DGKI: variants seen among roughly 807,000 people sequenced by gnomAD.
DGKI encodes DAG kinase iota.
A neutral mutation model predicts 147.5 loss-of-function variants in DGKI; 55 were observed. The observed-to-expected ratio is 0.37, with a 90% CI of 0.30 to 0.47. The LOEUF is 0.47. DGKI is among the 20% of genes least tolerant of loss of function. The probability of loss-of-function intolerance (pLI) is 1.00; values close to 1 mark genes in which losing one functional copy is unlikely to be tolerated. For synonymous variants in DGKI, 469 were observed against 477.1 expected (o/e 0.98, Z 0.22); for missense variants, 1,007 against 1,323.8 (o/e 0.76, Z 3.71).
At chr7:137,417,729 C>A (rs1241915422) in intron 28 of DGKI, among the ~76,000 whole-genome samples, 1 of 152,182 alleles carries the variant, frequency 6.6e-6, no homozygotes, top group African/African-American at 2.4e-5. Context: ...GTCACGAAGG[C>A]TCCACCCTCA....
intron 6 of DGKI, among the ~76,000 whole-genome samples, chr7:137,636,565 G>A (rs2129003731): frequency 6.6e-6 from 1 of 152,270 alleles, no homozygotes; most frequent in South Asian, 2.1e-4. Context: ...CAGTTGAGAA[G>A]AGTCTTGGAA....
At position 137,632,245 on chromosome 7, in the gene DGKI, G is replaced by A. The variant is rs185200101; in HGVS notation, c.805-8691C>T. Among the ~76,000 whole-genome samples, 574 of 152,308 alleles carry A rather than the reference G, an allele frequency of 3.8e-3. 3 individuals are homozygous for A. Among genetic ancestry groups the A allele is most frequent in the African/African-American group, 0.013 (557 of 41,566 alleles). The stretch of plus-strand genomic sequence containing the variant: ...ACATCAAGAATGGATGATCAAGAGA[G>A]ATGAGGGCAGATGTTGCAATAAAAA... On this transcript the variant is annotated intron_variant, in intron 6 of 32. Coordinates refer to ENST00000614521, the MANE Select transcript of DGKI (RefSeq NM_001321708.2).
chr7:137,543,901 G>A (rs1817783050), intron 20 of DGKI, among the ~76,000 whole-genome samples: 1 of 152,152 alleles, frequency 6.6e-6, no homozygotes, highest in African/African-American at 2.4e-5. Context: ...ATTCCTTGCT[G>A]TATTCCATAT....
chr7:137,572,932 T>G lies in DGKI; in HGVS notation c.1762-94A>C, dbSNP rs2293334. On this transcript the variant is annotated intron_variant, in intron 17 of 32. Transcript: ENST00000614521. ...AGTTTGACAATAGTACACACCATGG[T>G]CTCTTTCTCCTTGCCCTATCTCTGC... The G allele has an allele frequency of 8.5e-6, 7 of 827,716 alleles. No homozygotes were observed. In the East Asian group the frequency reaches 1.8e-4, roughly 21 times the overall value. The allele number at this position is 827,716 out of a possible 1,614,324, so 51.3% of individuals were successfully genotyped here.
At chr7:137,516,644 G>A (rs1816754934) in intron 21 of DGKI, among the ~76,000 whole-genome samples, 1 of 151,462 alleles carries the variant, frequency 6.6e-6, no homozygotes, top group South Asian at 2.1e-4. Context: ...CTCAATAAAG[G>A]TACACTGAAT....
At chr7:137,478,094 A>C (rs1046593539) in intron 23 of DGKI, among the ~76,000 whole-genome samples, 3 of 152,232 alleles carry the variant, frequency 2.0e-5, no homozygotes, top group African/African-American at 7.2e-5. Context: ...AAAACCAAAC[A>C]GAAGTCTAGA....
chr7:137,840,247 G>T (rs1483268657), intron 1 of DGKI, among the ~76,000 whole-genome samples: 4 of 152,154 alleles, frequency 2.6e-5, no homozygotes, highest in African/African-American at 9.7e-5. Flanking sequence ...GTCACTAAGC[G>T]GACTAATGCA....
intron 3 of DGKI, among the ~76,000 whole-genome samples, chr7:137,670,992 G>T (rs1220783478): frequency 6.6e-6 from 1 of 152,186 alleles, no homozygotes; most frequent in East Asian, 1.9e-4. Context: ...GGCTCTGATT[G>T]CCTCATCTTC....
At chr7:137,743,200 T>C (rs117910633) in intron 1 of DGKI, among the ~76,000 whole-genome samples, 3,517 of 152,268 alleles carry the variant, frequency 0.023, 131 homozygotes, top group Admixed American at 0.1. Flanking sequence ...TCTAACACAT[T>C]GACAGTATTA....
In DGKI at chr7:137,711,684, C is replaced by CTTT. The variant is rs71177918; in HGVS notation, c.402-21685_402-21683dup. Among the ~76,000 whole-genome samples the CTTT allele has an allele frequency of 9.8e-3, 780 of 79,730 alleles. 37 individuals carry two copies. The highest frequency in any genetic ancestry group is 0.032 in the African/African-American group (614 of 19,444). The allele number at this position is 79,730 out of a possible 152,430, so 52.3% of individuals were successfully genotyped here. On this transcript the variant is annotated intron_variant, in intron 1 of 32. Coordinates refer to ENST00000614521, the MANE Select transcript of DGKI (RefSeq NM_001321708.2). ...CTCATCCGTAAAATGGGGATACCAA[C>CTTT]TTTTTTTTTTTTTTTTTTTTTTTTT...
At chr7:137,477,287 T>C (rs1194137296) in intron 23 of DGKI, among the ~76,000 whole-genome samples, 3 of 152,224 alleles carry the variant, frequency 2.0e-5, no homozygotes, top group Admixed American at 6.5e-5. Flanking sequence ...AAAAATCCAA[T>C]TACAGATTTT....
intron 27 of DGKI, among the ~76,000 whole-genome samples, chr7:137,462,098 T>TGA: frequency 6.6e-6 from 1 of 151,210 alleles, no homozygotes; most frequent in East Asian, 1.9e-4. Context: ...TGGAAACAGA[T>TGA]TATATATATA....
At chr7:137,403,184 G>A (rs1811827159) in intron 30 of DGKI, among the ~76,000 whole-genome samples, 1 of 152,246 alleles carries the variant, frequency 6.6e-6, no homozygotes, top group East Asian at 1.9e-4. Context: ...CTCTCTCCCA[G>A]TCTCTGTGGA....
At chr7:137,626,288 A>G (rs1004998484) in intron 6 of DGKI, among the ~76,000 whole-genome samples, 2 of 151,568 alleles carry the variant, frequency 1.3e-5, no homozygotes, top group African/African-American at 4.9e-5. Context: ...TGTCAATGAC[A>G]GTATCTTTTC....
At chr7:137,704,162 G>GA (rs1793931716) in intron 1 of DGKI, among the ~76,000 whole-genome samples, 1 of 152,186 alleles carries the variant, frequency 6.6e-6, no homozygotes, top group Admixed American at 6.5e-5. Context: ...AGTGAGCCAA[G>GA]ATTGTGCCAC....
chr7:137,837,476 G>A (rs1392073657), intron 1 of DGKI, among the ~76,000 whole-genome samples: 4 of 152,216 alleles, frequency 2.6e-5, no homozygotes, highest in Admixed American at 2.0e-4. Context: ...AGCAGGGTAG[G>A]CTGGTGTTTA....
At chr7:137,409,530 G>A (rs542468995) in intron 29 of DGKI, among the ~76,000 whole-genome samples, 3 of 152,316 alleles carry the variant, frequency 2.0e-5, no homozygotes, top group East Asian at 3.9e-4. Flanking sequence ...CTGAATGGAG[G>A]TAAGGACAAT....
intron 8 of DGKI, among the ~76,000 whole-genome samples, chr7:137,617,334 T>C (rs1820569410): frequency 6.6e-6 from 1 of 152,008 alleles, no homozygotes; most frequent in Admixed American, 6.6e-5. Context: ...ACAGGGGGTA[T>C]TGTTCTATAC....
At chr7:137,674,587 T>G (rs1166828498) in intron 3 of DGKI, among the ~76,000 whole-genome samples, 1 of 152,174 alleles carries the variant, frequency 6.6e-6, no homozygotes, top group African/African-American at 2.4e-5. Context: ...GTATTTACAA[T>G]ATGCACTCCA....
Sources: gnomAD v4.1 joint callset for allele counts (sites outside exome capture counted in the v4.1 genomes callset) on GRCh38, gnomAD v4.1.1 for gene constraint, MANE v1.5 for transcripts, NCBI Gene and HGNC (gene_info 2026-07-23, HGNC 2026-07-21) for gene names.